The following TTC39C variants were observed in gnomAD, a reference collection of about 807,000 sequenced individuals.
The protein encoded by TTC39C is tetratricopeptide repeat protein 39C.
In TTC39C, 33 loss-of-function variants were observed where a neutral mutation model predicts 76.3. The ratio of observed to expected loss-of-function variants is 0.43; its 90% CI spans 0.33 to 0.58. The LOEUF is 0.58. TTC39C is among the 20% of genes least tolerant of loss of function. The pLI, the probability that TTC39C is intolerant of heterozygous loss-of-function variation, is 0.04. For missense variants in TTC39C, 595 were observed against 701.4 expected, an observed-to-expected ratio of 0.85 and a Z score of 1.71; for synonymous variants, 254 against 260.6, an observed-to-expected ratio of 0.97 and a Z score of 0.24.
chr18:24,003,536 T>C (rs1351420064), intron 1 of TTC39C, among the ~76,000 whole-genome samples: 2 of 152,142 alleles, frequency 1.3e-5, no homozygotes, highest in African/African-American at 4.8e-5. Context: ...AGGTCAAATA[T>C]GATGGTGTTT....
At chr18:24,029,747 T>TA (rs1472708052) in intron 1 of TTC39C, among the ~76,000 whole-genome samples, 1 of 152,216 alleles carries the variant, frequency 6.6e-6, no homozygotes, top group African/African-American at 2.4e-5. Flanking sequence ...AATGAGAACA[T>TA]ACGATGTTTG....
chr18:24,052,266 C>G (rs1334282458), intron 1 of TTC39C, among the ~76,000 whole-genome samples: 1 of 152,160 alleles, frequency 6.6e-6, no homozygotes, highest in Admixed American at 6.5e-5. Flanking sequence ...AAGGGCTGTT[C>G]GGACTTTCTA....
chr18:24,066,213 A>C, intron 3 of TTC39C, 73 bp downstream of exon 3: 2 of 1,521,258 alleles, frequency 1.3e-6, no homozygotes, highest in African/African-American at 2.9e-5. Context: ...ATTTAGAACA[A>C]AAGCCATTTG....
At chr18:24,012,052 G>A (rs1442518502), upstream of TTC39C, among the ~76,000 whole-genome samples, 1 of 152,272 alleles carries the variant, frequency 6.6e-6, no homozygotes, top group East Asian at 1.9e-4. Context: ...TTATCGAGTG[G>A]AGAAAACACA....
intron 8 of TTC39C, among the ~76,000 whole-genome samples, chr18:24,123,380 CTTTT>C (rs59549395): frequency 0.12 from 16,006 of 129,830 alleles, 1,310 homozygotes; most frequent in African/African-American, 0.22. Flanking sequence ...GTGGAACAGT[CTTTT>C]TTTTGTTTGT....
At chr18:24,085,907 C>G (rs2084432795) in intron 6 of TTC39C, among the ~76,000 whole-genome samples, 1 of 152,170 alleles carries the variant, frequency 6.6e-6, no homozygotes, top group Admixed American at 6.5e-5. Context: ...TTATTATCCC[C>G]AAGGTGCCCA....
At chr18:24,016,589 G>A in intron 1 of TTC39C, 1 of 397,892 alleles carries the variant, frequency 2.5e-6, no homozygotes, top group Non-Finnish European at 4.4e-6. Context: ...TTCTTTAGTA[G>A]GCGAAAATAC....
intron 6 of TTC39C, 33 bp downstream of exon 6, chr18:24,083,114 G>A (rs1467183798): frequency 6.4e-7 from 1 of 1,556,968 alleles, no homozygotes; most frequent in Non-Finnish European, 8.7e-7. Context: ...TTAAAATAAA[G>A]CCTCCGATGA....
chr18:24,110,938 A>T (rs2084800789), intron 6 of TTC39C, among the ~76,000 whole-genome samples: 1 of 152,054 alleles, frequency 6.6e-6, no homozygotes, highest in African/African-American at 2.4e-5. Flanking sequence ...GCACTAAGTC[A>T]GTCCTGGCCT....
intron 6 of TTC39C, among the ~76,000 whole-genome samples, chr18:24,106,683 A>G (rs1481810272): frequency 2.0e-5 from 3 of 152,052 alleles, no homozygotes; most frequent in African/African-American, 7.2e-5. Context: ...ATGGACAGCC[A>G]TGGGTTGTTT....
chr18:24,128,930 T>A lies in TTC39C; in HGVS notation c.1465T>A (p.Leu489Met), dbSNP rs763715862. ...CTCATCTGTTGTTGGATTAAAGTATTTGCTTCTTGGTGCCATACACAAATG... is the reference window on the plus strand; with the variant it reads ...CTCATCTGTTGTTGGATTAAAGTATATGCTTCTTGGTGCCATACACAAATG... ...DDSSVVGLKY[L>M]LLGAIHKCLG... The change falls in exon 11 of 14, where the codon TTG becomes ATG. Residue 489 changes from leucine to methionine, a missense_variant. Physicochemically the swap from Leu to Met is conservative, Grantham distance 15. Coordinates refer to ENST00000317571, the MANE Select transcript of TTC39C (RefSeq NM_001135993.2). 9.3e-6 allele frequency: 15 copies of A among 1,613,640 alleles called. No individual in the cohort carries two copies.
intron 1 of TTC39C, among the ~76,000 whole-genome samples, chr18:24,048,153 T>G (rs2083908334): frequency 6.6e-6 from 1 of 152,214 alleles, no homozygotes; most frequent in Non-Finnish European, 1.5e-5. Context: ...ATTTTTGTGG[T>G]CTAATAGTGC....
chr18:24,089,695 G>A (rs2084493864), intron 6 of TTC39C, among the ~76,000 whole-genome samples: 1 of 152,184 alleles, frequency 6.6e-6, no homozygotes, highest in African/African-American at 2.4e-5. Context: ...TATTATGTGT[G>A]CCTAAGAGGA....
intron 1 of TTC39C, among the ~76,000 whole-genome samples, chr18:24,056,391 G>A (rs140590760): frequency 0.01 from 1,578 of 152,186 alleles, 16 homozygotes; most frequent in Non-Finnish European, 0.016. Context: ...CATTAAATAA[G>A]TTTAGAACAT....
At chr18:24,102,871 C>A (rs951103661) in intron 6 of TTC39C, among the ~76,000 whole-genome samples, 1 of 152,198 alleles carries the variant, frequency 6.6e-6, no homozygotes, top group African/African-American at 2.4e-5. Context: ...CTTTGGGAGG[C>A]CAAGGTGGGA....
chr18:24,024,469 A>G (rs1009837851), intron 1 of TTC39C, among the ~76,000 whole-genome samples: 5 of 152,180 alleles, frequency 3.3e-5, no homozygotes. Context: ...TATGCTTTAA[A>G]ATGAAGGAAG....
intron 1 of TTC39C, among the ~76,000 whole-genome samples, chr18:24,037,169 A>G (rs1171945229): frequency 6.6e-6 from 1 of 152,136 alleles, no homozygotes; most frequent in East Asian, 1.9e-4. Flanking sequence ...TGTGGGTTTA[A>G]TGTTTTGATG....
chr18:24,040,145 T>C (rs954900078), intron 1 of TTC39C, among the ~76,000 whole-genome samples: 2 of 152,212 alleles, frequency 1.3e-5, no homozygotes, highest in Non-Finnish European at 2.9e-5. Flanking sequence ...TGATGATTTA[T>C]TATAATTTAA....
At chr18:24,075,222 C>T (rs2084288278) in intron 4 of TTC39C, among the ~76,000 whole-genome samples, 1 of 151,900 alleles carries the variant, frequency 6.6e-6, no homozygotes. Flanking sequence ...ATGGGTGCAG[C>T]ACACCAACAT....
Sources: allele counts gnomAD v4.1 joint callset (sites outside exome capture counted in the v4.1 genomes callset), GRCh38; gene constraint gnomAD v4.1.1; transcripts MANE v1.5; gene names NCBI Gene and HGNC (gene_info 2026-07-23, HGNC 2026-07-21).